Variants in PRKCZ observed in about 807,000 individuals in gnomAD.
PRKCZ encodes the protein protein kinase C zeta, also known as protein kinase C zeta type.
Under a neutral mutation model 79.5 loss-of-function variants are expected in PRKCZ, and 33 were observed. That is an observed-to-expected ratio of 0.41 (90% CI 0.31 to 0.55). The LOEUF is 0.55. Among genes scored for constraint, PRKCZ ranks in the 20% least tolerant of loss-of-function variants. The pLI, the probability that PRKCZ is intolerant of heterozygous loss-of-function variation, is 0.19. For missense variants in PRKCZ, 578 were observed against 813.5 expected, an observed-to-expected ratio of 0.71 and a Z score of 3.52; for synonymous variants, 342 against 320.9, an observed-to-expected ratio of 1.07 and a Z score of -0.70.
At chr1:2,091,075 A>T (rs1178208048) in intron 4 of PRKCZ, among the ~76,000 whole-genome samples, 1 of 152,212 alleles carries the variant, frequency 6.6e-6, no homozygotes, top group Non-Finnish European at 1.5e-5. Context: ...CTTGTTGCCC[A>T]GGCTGGACTG....
At position 2,127,702 on chromosome 1, in the gene PRKCZ, C is replaced by T. The variant is rs572738451; in HGVS notation, c.335-7560C>T. ...AGGCGAACGGCGTCTCCCGCGGCTC[C>T]CGGTGGCTTTTTAGGACTCTGCGTT... On this transcript the variant is annotated intron_variant, in intron 4 of 17. Transcript: ENST00000378567. This position sits in a 1 kb window ranked among gnomAD's most constrained non-coding sequence, Gnocchi z 5.1. 2.0e-3 allele frequency among the ~76,000 whole-genome samples: 304 copies of T among 152,332 alleles called. 1 individual carries two copies. The highest frequency in any genetic ancestry group is 6.9e-3 in the African/African-American group (285 of 41,570).
chr1:2,103,969 C>T (rs866584413), intron 4 of PRKCZ, among the ~76,000 whole-genome samples: 1 of 152,178 alleles, frequency 6.6e-6, no homozygotes, highest in Non-Finnish European at 1.5e-5. Flanking sequence ...TGGGATGGAC[C>T]CCTGCCCAAC....
chr1:2,114,218 G>T (rs2102748595), intron 4 of PRKCZ, among the ~76,000 whole-genome samples: 1 of 151,296 alleles, frequency 6.6e-6, no homozygotes, highest in Non-Finnish European at 1.5e-5. Flanking sequence ...CGGATGCAGG[G>T]CAGGTTCGTC....
chr1:2,054,117 G>T (rs1383530191), intron 1 of PRKCZ, among the ~76,000 whole-genome samples: 2 of 152,210 alleles, frequency 1.3e-5, no homozygotes, highest in Non-Finnish European at 2.9e-5. Flanking sequence ...TCTGGGATGA[G>T]AACTTTGTTT....
chr1:2,093,222 T>G (rs1665828748), intron 4 of PRKCZ, among the ~76,000 whole-genome samples: 2 of 151,826 alleles, frequency 1.3e-5, no homozygotes, highest in South Asian at 4.1e-4. Flanking sequence ...CTCCTCCTGG[T>G]GGACACCAGG....
chr1:2,144,865 C>A (rs1377379651), intron 6 of PRKCZ: 5 of 161,036 alleles, frequency 3.1e-5, no homozygotes, highest in African/African-American at 4.8e-5. Context: ...TTATTGAAGG[C>A]TGCCTCTGGC....
At chr1:2,157,712 G>GTTTTT (rs71578360) in intron 10 of PRKCZ, among the ~76,000 whole-genome samples, 1 of 134,170 alleles carries the variant, frequency 7.5e-6, no homozygotes. Context: ...CGCCTCCAGA[G>GTTTTT]TTTTTTTTTT....
intron 4 of PRKCZ, among the ~76,000 whole-genome samples, chr1:2,126,840 C>T (rs999973243): frequency 8.5e-5 from 13 of 152,204 alleles, no homozygotes; most frequent in Admixed American, 1.3e-4. Flanking sequence ...GGGACACGGC[C>T]GCCCATCCCT....
At chr1:2,063,634 G>A (rs553264086) in intron 4 of PRKCZ, among the ~76,000 whole-genome samples, 30 of 152,172 alleles carry the variant, frequency 2.0e-4, no homozygotes, top group African/African-American at 7.0e-4. Flanking sequence ...TTAAAGAGCC[G>A]CCGTGCCATT....
intron 4 of PRKCZ, among the ~76,000 whole-genome samples, chr1:2,102,535 T>A (rs561398878): frequency 7.2e-5 from 11 of 151,976 alleles, no homozygotes; most frequent in East Asian, 3.9e-4. Flanking sequence ...GGTTTCACTG[T>A]GTTAGCCGGG....
intron 10 of PRKCZ, among the ~76,000 whole-genome samples, chr1:2,167,886 TC>T (rs1683651018): frequency 1.7e-5 from 1 of 57,862 alleles, no homozygotes. Context: ...ATTACAGGCC[TC>T]GTGAGCCACC....
chr1:2,175,794 G>A (rs1685383570), intron 16 of PRKCZ, among the ~76,000 whole-genome samples: 1 of 152,120 alleles, frequency 6.6e-6, no homozygotes, highest in Non-Finnish European at 1.5e-5. Context: ...AGGAGAGTGA[G>A]GGGCCGGACG....
intron 4 of PRKCZ, among the ~76,000 whole-genome samples, chr1:2,121,472 G>A (rs1209482273): frequency 1.2e-5 from 1 of 83,862 alleles, no homozygotes; most frequent in East Asian, 3.9e-4. Context: ...AGTCATGGCG[G>A]TAGTTAGTTA....
rs1687358770 is a variant in PRKCZ at position 2,184,969 on chromosome 1, A to T, written c.1739A>T (p.Tyr580Phe). The change falls in exon 18 of 18, where the codon TAT becomes TTT. Residue 580 changes from tyrosine (Y) to phenylalanine (F), a missense_variant. Physicochemically the swap from Tyr to Phe is conservative, Grantham distance 22. This residue lies in a region of PRKCZ where 243 missense variants were observed against 467.0 expected (regional missense o/e 0.52). Coordinates refer to ENST00000378567, the MANE Select transcript of PRKCZ (RefSeq NM_002744.6). Reference sequence around the variant, plus strand: ...CAGTCAGAGTTCGAAGGCTTTGAGTATATCAACCCATTATTGCTGTCCACC... The same window carrying T: ...CAGTCAGAGTTCGAAGGCTTTGAGTTTATCAACCCATTATTGCTGTCCACC... ...IDQSEFEGFE[Y>F]INPLLLSTEE... 2 of 1,613,842 alleles carry T rather than the reference A, an allele frequency of 1.2e-6. No individual in the cohort carries two copies. Among genetic ancestry groups the T allele is most frequent in the Non-Finnish European group, 8.5e-7 (1 of 1,180,000 alleles).
intron 4 of PRKCZ, 55 bp from the exon 5 acceptor site, chr1:2,135,207 C>A: frequency 2.0e-6 from 3 of 1,491,326 alleles, no homozygotes; most frequent in Non-Finnish European, 2.8e-6. Flanking sequence ...CTGCACCCTG[C>A]GTGGGCTCGT....
chr1:2,056,085 C>T (rs962048671), intron 2 of PRKCZ, among the ~76,000 whole-genome samples: 3 of 152,180 alleles, frequency 2.0e-5, no homozygotes, highest in Admixed American at 6.5e-5. Flanking sequence ...AGCCTGATAG[C>T]GCCCCCGTTG....
In PRKCZ at chr1:2,172,781, C is replaced by G. The variant is rs1473518085; in HGVS notation, c.1285+393C>G. 1.3e-5 allele frequency among the ~76,000 whole-genome samples: 2 copies of G among 152,240 alleles called. No individual in the cohort carries two copies. The highest frequency in any genetic ancestry group is 2.9e-5 in the Non-Finnish European group (2 of 68,042). On this transcript the variant is annotated intron_variant, in intron 13 of 17. Transcript: ENST00000378567. This position sits in a 1 kb window ranked among gnomAD's most constrained non-coding sequence, Gnocchi z 7.8. Reference sequence around the variant, plus strand: ...GCGTGTGGACAGGACCCCACAGGCCCTGCGGCTGAGGACGCCGTGCACACC... The same window carrying G: ...GCGTGTGGACAGGACCCCACAGGCCGTGCGGCTGAGGACGCCGTGCACACC...
chr1:2,160,579 C>T (rs536594499), intron 10 of PRKCZ, among the ~76,000 whole-genome samples: 1 of 152,260 alleles, frequency 6.6e-6, no homozygotes, highest in South Asian at 2.1e-4. Flanking sequence ...CCCTGGGATG[C>T]GGAGGCCCCA....
intron 10 of PRKCZ, among the ~76,000 whole-genome samples, chr1:2,161,750 C>T (rs896774125): frequency 2.0e-5 from 3 of 152,250 alleles, no homozygotes; most frequent in Non-Finnish European, 2.9e-5. Flanking sequence ...GTCATGGCAT[C>T]TCCCCTTCTC....
Sources: allele counts gnomAD v4.1 joint callset (sites outside exome capture counted in the v4.1 genomes callset), GRCh38; gene constraint gnomAD v4.1.1; regional missense constraint gnomAD v4.1.1; non-coding constraint Gnocchi (gnomAD v3.1); transcripts MANE v1.5; gene names NCBI Gene and HGNC (gene_info 2026-07-23, HGNC 2026-07-21).